NPY1R: variants seen among roughly 807,000 people sequenced by gnomAD.
The protein encoded by NPY1R is neuropeptide Y receptor type 1.
NPY1R carries 10 observed loss-of-function variants against 24.1 expected under a neutral mutation model. The ratio of observed to expected loss-of-function variants is 0.42; its 90% CI spans 0.26 to 0.71. The LOEUF (loss-of-function observed/expected upper bound fraction) is 0.71, where lower values mean the gene tolerates loss of function less well. Ranked by LOEUF, NPY1R falls within the 30% of genes least tolerant of loss-of-function variation. NPY1R has a pLI of 0.28. For synonymous variants in NPY1R, 168 were observed against 165.9 expected (o/e 1.01, Z -0.10); for missense variants, 350 against 458.0 (o/e 0.76, Z 2.15).
Position 163,330,122 on chromosome 4 carries a change from T to C in NPY1R, c.-152+2360A>G, listed in dbSNP as rs188706186. 5.9e-5 allele frequency among the ~76,000 whole-genome samples: 9 copies of C among 152,270 alleles called. 1 individual carries two copies. In the East Asian group the frequency reaches 1.2e-3, roughly 20 times the overall value. On this transcript the variant is annotated intron_variant, in intron 1 of 2. Transcript: ENST00000296533. Reference sequence around the variant, plus strand: ...GGGACAGAGACCAAGATGTATACCATGGAGAAAAAGAAACAGAAATATTCT... The same window carrying C: ...GGGACAGAGACCAAGATGTATACCACGGAGAAAAAGAAACAGAAATATTCT...
At chr4:163,337,731 A>T (rs1369688302), upstream of NPY1R, among the ~76,000 whole-genome samples, 1 of 152,214 alleles carries the variant, frequency 6.6e-6, no homozygotes, top group African/African-American at 2.4e-5. Context: ...TTAGTCAAAA[A>T]TTCACTTTTC....
chr4:163,329,239 A>G (rs1052449818), intron 1 of NPY1R, among the ~76,000 whole-genome samples: 1 of 152,212 alleles, frequency 6.6e-6, no homozygotes, highest in African/African-American at 2.4e-5. Context: ...GCAGAGAAAG[A>G]CAAGAAAAAA....
At chr4:163,327,018 A>G (rs1369976793) in intron 1 of NPY1R, among the ~76,000 whole-genome samples, 1 of 152,230 alleles carries the variant, frequency 6.6e-6, no homozygotes, top group Non-Finnish European at 1.5e-5. Context: ...CATTATAAGA[A>G]TATGAATGTA....
chr4:163,343,595 G>A (rs979969342), intron 1 of NPY1R, among the ~76,000 whole-genome samples: 1 of 151,982 alleles, frequency 6.6e-6, no homozygotes, highest in Non-Finnish European at 1.5e-5. Context: ...ACCAGTCCAA[G>A]ACTTCTCAGA....
In NPY1R at chr4:163,342,957, T is replaced by TTCTC. The variant is rs111227651; in HGVS notation, c.-152+1344_-152+1347dup. Among the ~76,000 whole-genome samples, 469 of 133,362 alleles carry TTCTC rather than the reference T, an allele frequency of 3.5e-3. 4 individuals carry two copies. Among genetic ancestry groups the TTCTC allele is most frequent in the African/African-American group, 0.013 (446 of 35,260 alleles). 87.5% of individuals were successfully genotyped at this position (133,362 alleles called of 152,430 possible). ...AATGTCTCTTTTCTCCCTTCTCTCC[T>TTCTC]TCTCTCTCTCTCTCTCTCTCACAGA... On this transcript the variant is annotated intron_variant, in intron 1 of 1. Transcript: ENST00000511901.
chr4:163,326,305 A>T lies in NPY1R; in HGVS notation c.250T>A (p.Phe84Ile). Residue 84 changes from phenylalanine (F) to isoleucine (I), a missense_variant, in exon 2 of 3, where the codon TTC becomes ATC. Transcript: ENST00000296533. ...VTNILIVNLS[F>I]SDLLVAIMCL... The stretch of plus-strand genomic sequence containing the variant: ...ATGATGGCAACAAGCAAGTCTGAGA[A>T]GGAAAGGTTCACAATCAGGATGTTG... 1 of 1,614,154 alleles carries T rather than the reference A, an allele frequency of 6.2e-7. No individual in the cohort carries two copies. Among genetic ancestry groups the T allele is most frequent in the Non-Finnish European group, 8.5e-7 (1 of 1,179,978 alleles).
At chr4:163,334,849 G>A (rs1412961640), upstream of NPY1R, among the ~76,000 whole-genome samples, 1 of 125,238 alleles carries the variant, frequency 8.0e-6, no homozygotes, top group Non-Finnish European at 1.6e-5. Flanking sequence ...AACAGAGCAA[G>A]ACTCTGTTTT....
At chr4:163,336,920 C>G (rs1425934475), upstream of NPY1R, among the ~76,000 whole-genome samples, 1 of 152,128 alleles carries the variant, frequency 6.6e-6, no homozygotes, top group Non-Finnish European at 1.5e-5. Flanking sequence ...GAGATTGCAC[C>G]ACTGCATTCC....
chr4:163,333,554 A>C (rs981249144), upstream of NPY1R, among the ~76,000 whole-genome samples: 3 of 152,186 alleles, frequency 2.0e-5, no homozygotes, highest in African/African-American at 7.2e-5. Context: ...TAAAAATAAG[A>C]AGTCTTTCTA....
At chr4:163,330,350 T>C (rs1223616459) in intron 1 of NPY1R, among the ~76,000 whole-genome samples, 1 of 152,196 alleles carries the variant, frequency 6.6e-6, no homozygotes, top group East Asian at 1.9e-4. Flanking sequence ...TAGAAGTTAA[T>C]TTAGCTATAG....
rs886258346 is a variant in NPY1R at position 163,344,513 on chromosome 4, G to A, written c.-360C>T. Reference sequence around the variant, plus strand: ...CCCTAGCGGGTCTCTGGCGAGGCCGGGGGCGCAGCCCGCGGGGCGCCACTC... The same window carrying A: ...CCCTAGCGGGTCTCTGGCGAGGCCGAGGGCGCAGCCCGCGGGGCGCCACTC... On this transcript the variant is annotated 5_prime_UTR_variant, in exon 1 of 2. Transcript: ENST00000511901. The A allele has an allele frequency of 2.0e-5, 3 of 152,276 alleles. No individual in the cohort carries two copies. In the East Asian group the frequency reaches 5.8e-4, roughly 29 times the overall value. 9.4% of individuals were successfully genotyped at this position (152,276 alleles called of 1,614,324 possible).
chr4:163,326,281 T>C lies in NPY1R; in HGVS notation c.274A>G (p.Met92Val). Reference sequence around the variant, plus strand: ...TAGACAAATGTAAAGGGGAGACACATGATGGCAACAAGCAAGTCTGAGAAG... The same window carrying C: ...TAGACAAATGTAAAGGGGAGACACACGATGGCAACAAGCAAGTCTGAGAAG... ...LSFSDLLVAI[M>V]CLPFTFVYTL... Residue 92 changes from methionine (M) to valine (V), a missense_variant, in exon 2 of 3, where the codon ATG becomes GTG. By Grantham distance (21) the Met-to-Val change is conservative. Coordinates refer to ENST00000296533, the MANE Select transcript of NPY1R (RefSeq NM_000909.6). The C allele has an allele frequency of 6.2e-7, 1 of 1,614,140 alleles. No homozygotes were observed.
At chr4:163,329,052 A>C (rs1421928523) in intron 1 of NPY1R, among the ~76,000 whole-genome samples, 1 of 152,214 alleles carries the variant, frequency 6.6e-6, no homozygotes, top group Non-Finnish European at 1.5e-5. Flanking sequence ...TATGCTAATC[A>C]CAACAGCCGT....
At chr4:163,335,366 T>C (rs1365279795), upstream of NPY1R, among the ~76,000 whole-genome samples, 4 of 152,234 alleles carry the variant, frequency 2.6e-5, no homozygotes, top group Admixed American at 6.5e-5. Context: ...CTAAGTTTTG[T>C]ATTCTAAACA....
chr4:163,339,408 T>C (rs967284313), intron 1 of NPY1R, among the ~76,000 whole-genome samples: 12 of 152,200 alleles, frequency 7.9e-5, no homozygotes, highest in African/African-American at 2.9e-4. Context: ...AGAGTTTATT[T>C]CAATTGCAGA....
upstream of NPY1R, among the ~76,000 whole-genome samples, chr4:163,335,645 A>G (rs780616878): frequency 3.3e-5 from 5 of 152,270 alleles, no homozygotes; most frequent in South Asian, 1.0e-3. Flanking sequence ...TAAGGGGGTA[A>G]TTCCATGGGG....
Position 163,326,309 on chromosome 4 carries a change from A to G in NPY1R, c.246T>C (p.Leu82=), listed in dbSNP as rs371283351. 9.9e-6 allele frequency: 16 copies of G among 1,614,038 alleles called. No individual in the cohort carries two copies. In the African/African-American group the frequency reaches 1.2e-4, roughly 12 times the overall value. The part of the protein sequence containing the change: ...RNVTNILIVN[L]SFSDLLVAIM... ...TGGCAACAAGCAAGTCTGAGAAGGA[A>G]AGGTTCACAATCAGGATGTTGGTAA... is the stretch of plus-strand genomic sequence containing the variant. Residue 82 remains leucine, a synonymous_variant, in exon 2 of 3, where the codon CTT becomes CTC. Coordinates refer to ENST00000296533, the MANE Select transcript of NPY1R (RefSeq NM_000909.6).
chr4:163,330,210 T>G (rs1274420024), intron 1 of NPY1R, among the ~76,000 whole-genome samples: 1 of 152,210 alleles, frequency 6.6e-6, no homozygotes, highest in Non-Finnish European at 1.5e-5. Context: ...ATTAAATTAT[T>G]GCAAAGTACA....
rs2110775991 is a variant in NPY1R at position 163,324,497 on chromosome 4, A to G, written c.*806T>C. ...GAAAATCTCTTGACCATCAATTCAA[A>G]TAAATATAATTTAACTATTTGCAGC... On this transcript the variant is annotated 3_prime_UTR_variant, in exon 3 of 3. Coordinates refer to ENST00000296533, the MANE Select transcript of NPY1R (RefSeq NM_000909.6). The G allele has an allele frequency of 6.6e-6, 1 of 152,328 alleles. No homozygotes were observed. Among genetic ancestry groups the G allele is most frequent in the African/African-American group, 2.4e-5 (1 of 41,578 alleles). 9.4% of individuals were successfully genotyped at this position (152,328 alleles called of 1,614,324 possible).
Sources: allele counts gnomAD v4.1 joint callset (sites outside exome capture counted in the v4.1 genomes callset), GRCh38; gene constraint gnomAD v4.1.1; transcripts MANE v1.5; gene names NCBI Gene and HGNC (gene_info 2026-07-23, HGNC 2026-07-21).